ADAM19: variants seen among roughly 807,000 people sequenced by gnomAD.
The protein encoded by ADAM19 is disintegrin and metalloproteinase domain-containing protein 19.
ADAM19 carries 65 observed loss-of-function variants against 114.7 expected under a neutral mutation model. The observed-to-expected ratio is 0.57, with a 90% CI of 0.46 to 0.70. ADAM19 has a LOEUF of 0.70. Ranked by LOEUF, ADAM19 falls within the 30% of genes least tolerant of loss-of-function variation. The probability of loss-of-function intolerance (pLI) is 0.00; values close to 1 mark genes in which losing one functional copy is unlikely to be tolerated. For missense variants in ADAM19, 1,063 were observed against 1,204.7 expected (o/e 0.88, Z 1.74); for synonymous variants, 466 against 460.5 (o/e 1.01, Z -0.15).
chr5:157,526,106 A>G (rs1248449794), intron 5 of ADAM19, among the ~76,000 whole-genome samples: 1 of 152,136 alleles, frequency 6.6e-6, no homozygotes, highest in Non-Finnish European at 1.5e-5. Flanking sequence ...GAAAAAAAAT[A>G]CAAAACTGTA....
At chr5:157,496,275 G>A (rs1755361580) in intron 14 of ADAM19, among the ~76,000 whole-genome samples, 1 of 152,174 alleles carries the variant, frequency 6.6e-6, no homozygotes, top group Non-Finnish European at 1.5e-5. Context: ...TTATATGAAT[G>A]TACCAGAATT....
At chr5:157,564,316 C>T in intron 3 of ADAM19, 57 bp downstream of exon 3, 1 of 1,525,488 alleles carries the variant, frequency 6.6e-7, no homozygotes, top group Non-Finnish European at 9.1e-7. Flanking sequence ...ACACCTGCGT[C>T]CGGCGTTGAC....
intron 22 of ADAM19, 94 bp downstream of exon 22, chr5:157,481,697 G>A: frequency 6.4e-7 from 1 of 1,551,824 alleles, no homozygotes; most frequent in South Asian, 1.2e-5. Flanking sequence ...CAGACCACAA[G>A]AAGCATGAAT....
In ADAM19 at chr5:157,480,756, T is replaced by C. The variant is rs563371201; in HGVS notation, c.*193A>G. 2.0e-5 allele frequency: 28 copies of C among 1,434,516 alleles called. No homozygotes were observed. Among genetic ancestry groups the C allele is most frequent in the Non-Finnish European group, 2.3e-5 (25 of 1,100,116 alleles). 88.9% of individuals were successfully genotyped at this position (1,434,516 alleles called of 1,614,324 possible). A position where few individuals can be genotyped will look rare whatever the true frequency, so the allele number is the denominator to read the frequency against. The stretch of plus-strand genomic sequence containing the variant: ...ACAACACCTAGAGGCCATCAGATCA[T>C]AGTCCCTCTGGGCTTCCAAGGAAGC... On this transcript the variant is annotated 3_prime_UTR_variant, in exon 23 of 23. Coordinates refer to ENST00000257527, the MANE Select transcript of ADAM19 (RefSeq NM_033274.5).
intron 5 of ADAM19, among the ~76,000 whole-genome samples, chr5:157,525,743 C>A (rs1284391206): frequency 1.3e-5 from 2 of 152,216 alleles, no homozygotes; most frequent in Non-Finnish European, 2.9e-5. Flanking sequence ...AAACGTGGAT[C>A]CCTTGACTTT....
chr5:157,553,837 A>T (rs1394780564), intron 3 of ADAM19, among the ~76,000 whole-genome samples: 2 of 152,242 alleles, frequency 1.3e-5, no homozygotes, highest in East Asian at 3.8e-4. Flanking sequence ...TCATGTGGAA[A>T]GACACTGAAG....
chr5:157,556,604 G>T (rs1335921523), intron 3 of ADAM19, among the ~76,000 whole-genome samples: 12 of 152,044 alleles, frequency 7.9e-5, no homozygotes, highest in Admixed American at 7.9e-4. Flanking sequence ...AGGGGAGAGG[G>T]TGCATTTTTC....
Position 157,493,001 on chromosome 5 carries a change from A to T in ADAM19, c.1880T>A (p.Met627Lys), listed in dbSNP as rs1485035231. 6.2e-7 allele frequency: 1 copy of T among 1,614,100 alleles called. No individual in the cohort carries two copies. Among genetic ancestry groups the T allele is most frequent in the Non-Finnish European group, 8.5e-7 (1 of 1,180,046 alleles). The change falls in exon 16 of 23, where the codon ATG (methionine) becomes AAG (lysine). Residue 627 changes from methionine (M) to lysine (K), a missense_variant. By Grantham distance (95) the Met-to-Lys change is moderately conservative. This residue lies in a region of ADAM19 where 424 missense variants were observed against 445.5 expected (regional missense o/e 0.95). Transcript: ENST00000257527. ...GTTGTAGCCACACTTGGTTCCAGTCATCACCAGCCCTGGGTCCAGCATGTC... is the reference window on the plus strand; with the variant it reads ...GTTGTAGCCACACTTGGTTCCAGTCTTCACCAGCCCTGGGTCCAGCATGTC... ...EGDMLDPGLV[M>K]TGTKCGYNHI...
intron 14 of ADAM19, among the ~76,000 whole-genome samples, chr5:157,496,067 G>A (rs904924580): frequency 6.7e-6 from 1 of 150,278 alleles, no homozygotes. Flanking sequence ...AGCCTCCTGA[G>A]TAGCTAGGAT....
At position 157,533,370 on chromosome 5, in the gene ADAM19, C is replaced by T. The variant is rs111319224; in HGVS notation, c.331-2487G>A. Among the ~76,000 whole-genome samples, 667 of 152,244 alleles carry T rather than the reference C, an allele frequency of 4.4e-3. 6 individuals are homozygous for T. The highest frequency in any genetic ancestry group is 0.015 in the African/African-American group (628 of 41,544). ...AGTGTGCTGTGATTATGAAAGAAGG[C>T]GTGGCAGGCAAAACCCTCCTCCTGG... On this transcript the variant is annotated intron_variant, in intron 4 of 22. Transcript: ENST00000257527.
intron 3 of ADAM19, among the ~76,000 whole-genome samples, chr5:157,543,882 T>A (rs150297099): frequency 6.6e-6 from 1 of 152,118 alleles, no homozygotes; most frequent in Non-Finnish European, 1.5e-5. Flanking sequence ...TAGTCTAGAT[T>A]TGGGACAAAA....
chr5:157,553,386 A>G (rs1193549431), intron 3 of ADAM19, among the ~76,000 whole-genome samples: 1 of 152,250 alleles, frequency 6.6e-6, no homozygotes, highest in Non-Finnish European at 1.5e-5. Context: ...CATGGGCTAA[A>G]AAGTAAGTAA....
chr5:157,505,425 C>G (rs1206241275), intron 11 of ADAM19, among the ~76,000 whole-genome samples: 3 of 152,214 alleles, frequency 2.0e-5, no homozygotes, highest in Admixed American at 1.3e-4. Context: ...TAACTCAACA[C>G]CTTAAAACAG....
At chr5:157,548,005 TC>T (rs1473739647) in intron 3 of ADAM19, among the ~76,000 whole-genome samples, 1 of 152,206 alleles carries the variant, frequency 6.6e-6, no homozygotes, top group Non-Finnish European at 1.5e-5. Flanking sequence ...ATTTCCTTCC[TC>T]CTGCTCTCTG....
chr5:157,495,585 T>C (rs990421605), intron 14 of ADAM19, among the ~76,000 whole-genome samples: 11 of 152,222 alleles, frequency 7.2e-5, no homozygotes, highest in Admixed American at 5.9e-4. Context: ...GGTATAATTC[T>C]GTGTGTATCT....
chr5:157,535,959 A>G (rs2113761431), intron 4 of ADAM19, among the ~76,000 whole-genome samples: 1 of 152,306 alleles, frequency 6.6e-6, no homozygotes, highest in East Asian at 1.9e-4. Flanking sequence ...GGAGGCAGAG[A>G]ACAGAGGTCT....
At position 157,480,102 on chromosome 5, in the gene ADAM19, G is replaced by T. The variant is rs11466816; in HGVS notation, c.*847C>A. On this transcript the variant is annotated 3_prime_UTR_variant, in exon 23 of 23. Coordinates refer to ENST00000257527, the MANE Select transcript of ADAM19 (RefSeq NM_033274.5). Reference sequence around the variant, plus strand: ...CGAAGGTCAGGACTGCTGAGGGTTTGCTCACCAAAGCACCACACATTAGAG... The same window carrying T: ...CGAAGGTCAGGACTGCTGAGGGTTTTCTCACCAAAGCACCACACATTAGAG... 0.12 allele frequency: 121,563 copies of T among 985,816 alleles called. 8,095 individuals are homozygous for T. Among genetic ancestry groups the T allele is most frequent in the Non-Finnish European group, 0.13 (110,940 of 829,932 alleles). The allele number at this position is 985,816 out of a possible 1,614,324, so 61.1% of individuals were successfully genotyped here. A position where few individuals can be genotyped will look rare whatever the true frequency, so the allele number is the denominator to read the frequency against.
chr5:157,498,698 A>ATATATATATATG (rs1755448222), intron 13 of ADAM19, among the ~76,000 whole-genome samples: 1 of 149,736 alleles, frequency 6.7e-6, no homozygotes, highest in African/African-American at 2.4e-5. Context: ...GTATATATAT[A>ATATATATATATG]TATATATATA....
intron 3 of ADAM19, among the ~76,000 whole-genome samples, chr5:157,564,023 T>C (rs1453637864): frequency 2.0e-5 from 3 of 152,212 alleles, no homozygotes; most frequent in African/African-American, 7.2e-5. Context: ...CTTCATTTCC[T>C]GCCACACACT....
Sources: allele counts gnomAD v4.1 joint callset (sites outside exome capture counted in the v4.1 genomes callset), GRCh38; gene constraint gnomAD v4.1.1; regional missense constraint gnomAD v4.1.1; transcripts MANE v1.5; gene names NCBI Gene and HGNC (gene_info 2026-07-23, HGNC 2026-07-21).